UMPS: variants seen among roughly 807,000 people sequenced by gnomAD.
The protein encoded by UMPS is uridine 5'-monophosphate synthase.
In UMPS, 21 loss-of-function variants were observed where a neutral mutation model predicts 38.9. That is an observed-to-expected ratio of 0.54 (90% confidence interval 0.38 to 0.78). UMPS has a LOEUF of 0.78. Ranked by LOEUF, UMPS falls within the 30% of genes least tolerant of loss-of-function variation. The pLI, the probability that UMPS is intolerant of heterozygous loss-of-function variation, is 0.00. For missense variants in UMPS, 533 were observed against 591.6 expected (o/e 0.90, Z 1.03); for synonymous variants, 208 against 219.3 (o/e 0.95, Z 0.45).
chr3:124,748,613 G>A lies in UMPS; in HGVS notation c.*4529G>A, dbSNP rs1188790706. 6 of 454,098 alleles carry A rather than the reference G, an allele frequency of 1.3e-5. No individual in the cohort carries two copies. The Admixed American group carries it at 1.4e-4, about 11-fold the overall frequency. 28.1% of individuals were successfully genotyped at this position (454,098 alleles called of 1,614,324 possible). A position where few individuals can be genotyped will look rare whatever the true frequency, so the allele number is the denominator to read the frequency against. On this transcript the variant is annotated 3_prime_UTR_variant, in exon 6 of 6. Transcript: ENST00000232607. ...CTGGTGTGGGCTCTCACGTGCTGCTGCTGAATCCCAGGGAAGGAGGGAGGA... is the reference window on the plus strand; with the variant it reads ...CTGGTGTGGGCTCTCACGTGCTGCTACTGAATCCCAGGGAAGGAGGGAGGA...
Position 124,744,870 on chromosome 3 carries a change from T to C in UMPS, c.*786T>C, listed in dbSNP as rs1317552648. On this transcript the variant is annotated 3_prime_UTR_variant, in exon 6 of 6. Transcript: ENST00000232607. ...AAAAGTGATAGTCCAGGTATCCACA[T>C]GGGCTGGTTCCCAGAACTGCCATTG... 2 of 454,102 alleles carry C rather than the reference T, an allele frequency of 4.4e-6. No homozygotes were observed. The highest frequency in any genetic ancestry group is 3.1e-5 in the South Asian group (2 of 64,474). 28.1% of individuals were successfully genotyped at this position (454,102 alleles called of 1,614,324 possible).
At chr3:124,730,937 T>G (rs1441896191) in intron 1 of UMPS, among the ~76,000 whole-genome samples, 1 of 152,064 alleles carries the variant, frequency 6.6e-6, no homozygotes, top group Non-Finnish European at 1.5e-5. Flanking sequence ...TTTAAGAAAA[T>G]TAGACTTGCG....
intron 1 of UMPS, chr3:124,731,538 T>G (rs1341829556): frequency 2.3e-5 from 10 of 436,832 alleles, no homozygotes; most frequent in Non-Finnish European, 4.6e-5. Context: ...CAGGCTGGAG[T>G]GCAGCTCTGT....
chr3:124,744,506 C>T lies in UMPS; in HGVS notation c.*422C>T. ...CACGGCTCATTGCAGCCTCGACCTCCCAGGTGATCCTCCCACCTCAGCTTC... is the reference window on the plus strand; with the variant it reads ...CACGGCTCATTGCAGCCTCGACCTCTCAGGTGATCCTCCCACCTCAGCTTC... On this transcript the variant is annotated 3_prime_UTR_variant, in exon 6 of 6. Transcript: ENST00000232607. 2.2e-6 allele frequency: 1 copy of T among 454,006 alleles called. No homozygotes were observed. Among genetic ancestry groups the T allele is most frequent in the Non-Finnish European group, 4.4e-6 (1 of 226,754 alleles). The allele number at this position is 454,006 out of a possible 1,614,324, so 28.1% of individuals were successfully genotyped here.
chr3:124,749,035 G>A lies in UMPS; in HGVS notation c.*4951G>A, dbSNP rs1461377780. 1 of 454,054 alleles carries A rather than the reference G, an allele frequency of 2.2e-6. No individual in the cohort carries two copies. The highest frequency in any genetic ancestry group is 2.0e-5 in the African/African-American group (1 of 50,102). The allele number at this position is 454,054 out of a possible 1,614,324, so 28.1% of individuals were successfully genotyped here. On this transcript the variant is annotated 3_prime_UTR_variant, in exon 6 of 6. Coordinates refer to ENST00000232607, the MANE Select transcript of UMPS (RefSeq NM_000373.4). ...ACAGCTCCATAGTCCTGCCTCCAATGTCCCAACACTGCATTGTCTCCCTGC... is the reference window on the plus strand; with the variant it reads ...ACAGCTCCATAGTCCTGCCTCCAATATCCCAACACTGCATTGTCTCCCTGC...
chr3:124,735,015 C>T, intron 1 of UMPS, 78 bp from the exon 2 acceptor site: 1 of 1,345,814 alleles, frequency 7.4e-7, no homozygotes, highest in Non-Finnish European at 1.0e-6. Flanking sequence ...GGCGAGACTC[C>T]ATCTCAAAAA....
intron 1 of UMPS, among the ~76,000 whole-genome samples, chr3:124,731,968 A>C (rs9878223): frequency 6.7e-6 from 1 of 148,792 alleles, no homozygotes; most frequent in African/African-American, 2.5e-5. Flanking sequence ...CAAATTAAAA[A>C]TTTTTTTTTT....
In UMPS at chr3:124,749,216, AT is replaced by A. The variant is rs886057901; in HGVS notation, c.*5133del. ...CAGAGATGATGTTGAGTTAAAAAAAATATATACATAAAAATATGGGTTCTTT... is the reference window on the plus strand; with the variant it reads ...CAGAGATGATGTTGAGTTAAAAAAAAATATACATAAAAATATGGGTTCTTT... On this transcript the variant is annotated 3_prime_UTR_variant, in exon 6 of 6. Coordinates refer to ENST00000232607, the MANE Select transcript of UMPS (RefSeq NM_000373.4). 2.0e-5 allele frequency: 9 copies of A among 453,738 alleles called. No individual in the cohort carries two copies. Among genetic ancestry groups the A allele is most frequent in the African/African-American group, 4.0e-5 (2 of 49,948 alleles). The allele number at this position is 453,738 out of a possible 1,614,324, so 28.1% of individuals were successfully genotyped here.
At chr3:124,735,420 G>A (rs2063511061) in intron 2 of UMPS, among the ~76,000 whole-genome samples, 174 bp downstream of exon 2, 1 of 152,034 alleles carries the variant, frequency 6.6e-6, no homozygotes, top group African/African-American at 2.4e-5. Context: ...TTTAGACTTG[G>A]GGTGAAATGC....
rs1421722269 is a variant in UMPS at position 124,746,756 on chromosome 3, TGTGTGTGTGTG to T, written c.*2673_*2683del. The T allele has an allele frequency of 4.6e-4, 22 of 47,782 alleles. No individual in the cohort carries two copies. Among genetic ancestry groups the T allele is most frequent in the African/African-American group, 1.0e-3 (2 of 1,952 alleles). The allele number at this position is 47,782 out of a possible 1,614,324, so 3.0% of individuals were successfully genotyped here. A position where few individuals can be genotyped will look rare whatever the true frequency, so the allele number is the denominator to read the frequency against. On this transcript the variant is annotated 3_prime_UTR_variant, in exon 6 of 6. Coordinates refer to ENST00000232607, the MANE Select transcript of UMPS (RefSeq NM_000373.4). ...TTCTGTAGAACATAAGCCCATAGAT[TGTGTGTGTGTG>T]TGTGTGTGTGTGTGTGTGTGTGTGT... is the stretch of plus-strand genomic sequence containing the variant.
intron 1 of UMPS, 37 bp from the exon 2 acceptor site, chr3:124,735,056 A>T: frequency 6.4e-7 from 1 of 1,559,418 alleles, no homozygotes; most frequent in South Asian, 1.2e-5. Flanking sequence ...TAAAATAGTT[A>T]CAATAAAACA....
Position 124,740,133 on chromosome 3 carries a change from G to A in UMPS, c.1092G>A (p.Gly364=). 1.9e-6 allele frequency: 3 copies of A among 1,614,006 alleles called. No individual in the cohort carries two copies. The highest frequency in any genetic ancestry group is 2.5e-6 in the Non-Finnish European group (3 of 1,180,030). Residue 364 remains glycine (G), a synonymous_variant, in exon 4 of 6, where the codon GGG becomes GGA. Transcript: ENST00000232607. ...AAGTGGGCCTGCCTTTGCATCGGGG[G>A]TGCCTCCTTATTGCGGAAATGAGCT... ...LQEVGLPLHR[G]CLLIAEMSST...
Position 124,735,125 on chromosome 3 carries a change from T to G in UMPS, c.189T>G (p.Asn63Lys). Residue 63 changes from asparagine (N) to lysine (K), a missense_variant, in exon 2 of 6, where the codon AAT (asparagine) becomes AAG (lysine). Physicochemically the swap from Asn to Lys is moderately conservative, Grantham distance 94. Coordinates refer to ENST00000232607, the MANE Select transcript of UMPS (RefSeq NM_000373.4). ...VADILFQTAQ[N>K]AGISFDTVCG... is the part of the protein sequence containing the mutation. ...ATATTTTATTCCAAACTGCCCAAAA[T>G]GCAGGCATCAGTTTTGACACCGTGT... 6.2e-7 allele frequency: 1 copy of G among 1,614,040 alleles called. No individual in the cohort carries two copies. Among genetic ancestry groups the G allele is most frequent in the Non-Finnish European group, 8.5e-7 (1 of 1,179,926 alleles).
At chr3:124,741,226 A>G (rs2063554799) in intron 4 of UMPS, among the ~76,000 whole-genome samples, 1 of 152,132 alleles carries the variant, frequency 6.6e-6, no homozygotes, top group African/African-American at 2.4e-5. Flanking sequence ...TGGCTCAAGG[A>G]CAAGACATGA....
In UMPS at chr3:124,738,007, G is replaced by T. The variant is rs763842872; in HGVS notation, c.750G>T (p.Lys250Asn). 1.9e-6 allele frequency: 3 copies of T among 1,614,192 alleles called. No homozygotes were observed. The East Asian group carries it at 6.7e-5, about 36-fold the overall frequency. The change falls in exon 3 of 6, where the codon AAG (lysine) becomes AAT (asparagine). Residue 250 changes from lysine (K) to asparagine (N), a missense_variant. Lys to Asn is a moderately conservative substitution (Grantham distance 94, BLOSUM62 0). Transcript: ENST00000232607. ...AGCTTCTCAGGCTTATGCAAAAGAA[G>T]GAGACCAATCTGTGTCTATCTGCTG... ...ASKLLRLMQK[K>N]ETNLCLSADV...
chr3:124,741,991 G>A (rs2063559912), intron 4 of UMPS, among the ~76,000 whole-genome samples, 161 bp from the exon 5 acceptor site: 1 of 151,600 alleles, frequency 6.6e-6, no homozygotes, highest in African/African-American at 2.4e-5. Flanking sequence ...CAAGGTAGGA[G>A]GATCCCTTGA....
At chr3:124,742,577 C>T (rs546428439) in intron 5 of UMPS, 1 of 306,382 alleles carries the variant, frequency 3.3e-6, no homozygotes, top group South Asian at 5.2e-5. Flanking sequence ...CTTATAAGCC[C>T]TTATTCGTAA....
chr3:124,743,655 A>G (rs868627957), intron 5 of UMPS, among the ~76,000 whole-genome samples: 1 of 151,508 alleles, frequency 6.6e-6, no homozygotes, highest in African/African-American at 2.4e-5. Flanking sequence ...TAAATAAATA[A>G]AAATAAATAA....
rs1392072341 is a variant in UMPS, at chr3:124,744,503, C to T, written c.*419C>T. 4.4e-6 allele frequency: 2 copies of T among 454,070 alleles called. No individual in the cohort carries two copies. Among genetic ancestry groups the T allele is most frequent in the Non-Finnish European group, 8.8e-6 (2 of 226,786 alleles). The allele number at this position is 454,070 out of a possible 1,614,324, so 28.1% of individuals were successfully genotyped here. A position where few individuals can be genotyped will look rare whatever the true frequency, so the allele number is the denominator to read the frequency against. ...GATCACGGCTCATTGCAGCCTCGAC[C>T]TCCCAGGTGATCCTCCCACCTCAGC... On this transcript the variant is annotated 3_prime_UTR_variant, in exon 6 of 6. Coordinates refer to ENST00000232607, the MANE Select transcript of UMPS (RefSeq NM_000373.4).
Sources: allele counts gnomAD v4.1 joint callset (sites outside exome capture counted in the v4.1 genomes callset), GRCh38; gene constraint gnomAD v4.1.1; transcripts MANE v1.5; gene names NCBI Gene and HGNC (gene_info 2026-07-23, HGNC 2026-07-21).